The following PVALEF variants were observed in gnomAD, a reference collection of about 807,000 sequenced individuals.
PVALEF encodes parvalbumin-like EF-hand-containing protein.
Under a neutral mutation model 1.2 loss-of-function variants are expected in PVALEF, and 2 were observed. The observed-to-expected ratio is 1.68, with a 90% CI of 0.69 to 5.28. The LOEUF is 5.28. Among genes scored for constraint, PVALEF ranks in the 30% most tolerant of loss-of-function variants. The pLI is 0.06. For synonymous variants in PVALEF, 16 were observed against 6.5 expected, an observed-to-expected ratio of 2.47 and a Z score of -2.24; for missense variants, 35 against 17.7, an observed-to-expected ratio of 1.97 and a Z score of -1.75.
In PVALEF at chr17:81,166,830, C is replaced by G. The variant is rs897576228; in HGVS notation, c.-354C>G. ...AGAACCTGGCTGAGTCTCCACCTGC[C>G]GTGGACTGTACCAGGTGCTTAGGGC... On this transcript the variant is annotated 5_prime_UTR_variant, in exon 2 of 7. Coordinates refer to ENST00000637878, the MANE Select transcript of PVALEF (RefSeq NM_001354639.2). 2 of 449,870 alleles carry G rather than the reference C, an allele frequency of 4.4e-6. No homozygotes were observed. Among genetic ancestry groups the G allele is most frequent in the Admixed American group, 4.8e-5 (2 of 41,956 alleles). The allele number at this position is 449,870 out of a possible 1,614,324, so 27.9% of individuals were successfully genotyped here. A position where few individuals can be genotyped will look rare whatever the true frequency, so the allele number is the denominator to read the frequency against.
rs115934856 is a variant in PVALEF, at chr17:81,172,617, C to T, written c.-340+5773C>T. Among the ~76,000 whole-genome samples the T allele has an allele frequency of 7.5e-3, 1,140 of 151,968 alleles. 20 individuals are homozygous for T. The highest frequency in any genetic ancestry group is 0.026 in the African/African-American group (1,097 of 41,472). ...ATATGGTGAAAATACAAAAATTAGCCGGCGTGGTGGTGGGCACCTGTAATC... is the reference window on the plus strand; with the variant it reads ...ATATGGTGAAAATACAAAAATTAGCTGGCGTGGTGGTGGGCACCTGTAATC... On this transcript the variant is annotated intron_variant, in intron 2 of 6. Transcript: ENST00000637878.
chr17:81,174,948 CAA>C (rs35163275), intron 2 of PVALEF, among the ~76,000 whole-genome samples: 3 of 131,682 alleles, frequency 2.3e-5, no homozygotes, highest in African/African-American at 5.8e-5. Flanking sequence ...GACTCCGTCT[CAA>C]AAAAAAAAAA....
intron 2 of PVALEF, among the ~76,000 whole-genome samples, chr17:81,170,936 G>T (rs1245725561): frequency 3.3e-5 from 5 of 152,092 alleles, no homozygotes. Flanking sequence ...GCTCTTCCAG[G>T]CTGAGGCAGC....
intron 2 of PVALEF, among the ~76,000 whole-genome samples, chr17:81,178,305 C>T (rs900935143): frequency 6.6e-6 from 1 of 152,178 alleles, no homozygotes; most frequent in African/African-American, 2.4e-5. Flanking sequence ...CCCCCCGACC[C>T]CGGCAGACAG....
At position 81,166,733 on chromosome 17, in the gene PVALEF, G is replaced by C; in HGVS notation, c.-451G>C. The C allele has an allele frequency of 2.2e-6, 1 of 456,294 alleles. No homozygotes were observed. The highest frequency in any genetic ancestry group is 4.4e-6 in the Non-Finnish European group (1 of 226,876). 28.3% of individuals were successfully genotyped at this position (456,294 alleles called of 1,614,324 possible). The stretch of plus-strand genomic sequence containing the variant: ...CCCATGCCCTTTGGGTGGCACCTGT[G>C]CTGGTGGAGTGGGGGTGGCTGGCTT... On this transcript the variant is annotated 5_prime_UTR_variant, in exon 2 of 7. Coordinates refer to ENST00000637878, the MANE Select transcript of PVALEF (RefSeq NM_001354639.2).
rs891967904 is a variant in PVALEF, at chr17:81,179,068, G to A, written c.-189G>A. ...GCAGCCCCGAGATGTAAACAGGCTT[G>A]CAGGTATAAAAGCTGGAGCCCCTGG... On this transcript the variant is annotated 5_prime_UTR_variant, in exon 3 of 7. Coordinates refer to ENST00000637878, the MANE Select transcript of PVALEF (RefSeq NM_001354639.2). The A allele has an allele frequency of 1.5e-5, 7 of 454,954 alleles. No individual in the cohort carries two copies. The Admixed American group carries it at 1.7e-4, about 11-fold the overall frequency. The allele number at this position is 454,954 out of a possible 1,614,324, so 28.2% of individuals were successfully genotyped here.
In PVALEF at chr17:81,171,168, C is replaced by T. The variant is rs183691291; in HGVS notation, c.-340+4324C>T. On this transcript the variant is annotated intron_variant, in intron 2 of 6. Transcript: ENST00000637878. ...AGTGGTCCTTGTGGCCCTTCCAGGCCGGCGTAGCCCATAGTCGGGGCCAGT... is the reference window on the plus strand; with the variant it reads ...AGTGGTCCTTGTGGCCCTTCCAGGCTGGCGTAGCCCATAGTCGGGGCCAGT... Among the ~76,000 whole-genome samples the T allele has an allele frequency of 7.9e-5, 12 of 152,342 alleles. No individual in the cohort carries two copies. In the East Asian group the frequency reaches 1.9e-3, roughly 24 times the overall value.
intron 2 of PVALEF, among the ~76,000 whole-genome samples, 162 bp from the exon 3 acceptor site, chr17:81,178,756 C>T (rs1259393831): frequency 1.3e-5 from 2 of 152,242 alleles, no homozygotes; most frequent in Admixed American, 6.5e-5. Flanking sequence ...GTGTACAACC[C>T]GCTGCACTGG....
intron 2 of PVALEF, among the ~76,000 whole-genome samples, chr17:81,173,403 T>C (rs2061526949): frequency 6.6e-6 from 1 of 152,140 alleles, no homozygotes; most frequent in Admixed American, 6.5e-5. Context: ...GCCACCTCCA[T>C]GGACCCTCGC....
At chr17:81,175,776 A>C (rs1245126198) in intron 2 of PVALEF, among the ~76,000 whole-genome samples, 1 of 152,252 alleles carries the variant, frequency 6.6e-6, no homozygotes, top group Non-Finnish European at 1.5e-5. Context: ...ACCATACATG[A>C]AAATAACTCA....
intron 3 of PVALEF, among the ~76,000 whole-genome samples, chr17:81,179,817 G>A (rs2061547606): frequency 1.3e-5 from 2 of 152,192 alleles, no homozygotes; most frequent in Non-Finnish European, 1.5e-5. Flanking sequence ...ATGCTGGGGC[G>A]GTGTGTGGTC....
chr17:81,169,826 GTGTC>G (rs1057368219), intron 2 of PVALEF, among the ~76,000 whole-genome samples: 30 of 149,256 alleles, frequency 2.0e-4, no homozygotes, highest in African/African-American at 5.2e-4. Flanking sequence ...GTGTCTGTGT[GTGTC>G]TGTCTTGGTA....
chr17:81,172,393 C>T lies in PVALEF; in HGVS notation c.-340+5549C>T, dbSNP rs117512312. ...GAACATGGCCAAGGAAAGGGAGGGG[C>T]TTCTTGGACAAAAACACTCACTGCA... On this transcript the variant is annotated intron_variant, in intron 2 of 6. Coordinates refer to ENST00000637878, the MANE Select transcript of PVALEF (RefSeq NM_001354639.2). 2.7e-3 allele frequency among the ~76,000 whole-genome samples: 412 copies of T among 152,302 alleles called. 2 individuals are homozygous for T. The highest frequency in any genetic ancestry group is 4.3e-3 in the Non-Finnish European group (294 of 68,006).
chr17:81,179,197 G>A lies in PVALEF; in HGVS notation c.-105+45G>A, dbSNP rs775815986. On this transcript the variant is annotated intron_variant, in intron 3 of 6. Coordinates refer to ENST00000637878, the MANE Select transcript of PVALEF (RefSeq NM_001354639.2). ...GGGGTGTGGGTCTCTGGCCGCTGAG[G>A]TTATCCGAGCTGGATGGTGGGAACT... 35 of 299,844 alleles carry A rather than the reference G, an allele frequency of 1.2e-4. No individual in the cohort carries two copies. In the Middle Eastern group the frequency reaches 7.1e-3, roughly 61 times the overall value. The allele number at this position is 299,844 out of a possible 1,614,324, so 18.6% of individuals were successfully genotyped here. A position where few individuals can be genotyped will look rare whatever the true frequency, so the allele number is the denominator to read the frequency against.
chr17:81,165,907 C>T (rs1238807647), intron 1 of PVALEF, 160 bp downstream of exon 1: 3 of 1,562,900 alleles, frequency 1.9e-6, no homozygotes, highest in East Asian at 2.4e-5. Context: ...AGGGAGGCAG[C>T]GGCGCGCAGG....
Position 81,181,143 on chromosome 17 carries a change from C to T in PVALEF, c.-84C>T, listed in dbSNP as rs1598252113. 2.9e-6 allele frequency: 2 copies of T among 687,682 alleles called. No individual in the cohort carries two copies. The highest frequency in any genetic ancestry group is 2.7e-5 in the East Asian group (1 of 36,654). The allele number at this position is 687,682 out of a possible 1,614,324, so 42.6% of individuals were successfully genotyped here. On this transcript the variant is annotated 5_prime_UTR_variant, in exon 4 of 7. Transcript: ENST00000637878. ...TACAGCAGGATCCAGCACCACGCGG[C>T]GTCTACGTCTGCTCTGGCCCAAGCA...
At chr17:81,169,415 T>C (rs1197809418) in intron 2 of PVALEF, among the ~76,000 whole-genome samples, 17 of 152,208 alleles carry the variant, frequency 1.1e-4, no homozygotes, top group East Asian at 9.6e-4. Context: ...CTGGCCAACA[T>C]GGTGAAGCCC....
intron 2 of PVALEF, among the ~76,000 whole-genome samples, chr17:81,173,056 C>T (rs900391805): frequency 1.1e-4 from 16 of 152,156 alleles, no homozygotes; most frequent in Middle Eastern, 3.2e-3. Context: ...CCAGACAGCC[C>T]GTGGCCAGGG....
intron 2 of PVALEF, among the ~76,000 whole-genome samples, chr17:81,176,926 C>CTTTTT (rs34506557): frequency 7.6e-6 from 1 of 130,922 alleles, no homozygotes; most frequent in African/African-American, 2.9e-5. Context: ...GTATTAGTCA[C>CTTTTT]TTTTTTTTTT....
Sources: allele counts gnomAD v4.1 joint callset (sites outside exome capture counted in the v4.1 genomes callset), GRCh38; gene constraint gnomAD v4.1.1; transcripts MANE v1.5; gene names NCBI Gene and HGNC (gene_info 2026-07-23, HGNC 2026-07-21).